The following CCDC85A variants were observed in gnomAD, a reference collection of about 807,000 sequenced individuals.
CCDC85A encodes the protein coiled-coil domain-containing protein 85A.
A neutral mutation model predicts 50.2 loss-of-function variants in CCDC85A; 38 were observed. The observed-to-expected ratio is 0.76, with a 90% confidence interval of 0.58 to 0.99. The LOEUF (loss-of-function observed/expected upper bound fraction) is 0.99, where lower values mean the gene tolerates loss of function less well. Among genes scored for constraint, CCDC85A ranks in the 50% least tolerant of loss-of-function variants. The pLI is 0.00. For synonymous variants in CCDC85A, 366 were observed against 301.4 expected (o/e 1.21, Z -2.22); for missense variants, 820 against 742.0 (o/e 1.11, Z -1.22).
intron 2 of CCDC85A, among the ~76,000 whole-genome samples, chr2:56,328,068 T>A (rs1573267716): frequency 6.6e-6 from 1 of 152,262 alleles, no homozygotes; most frequent in East Asian, 1.9e-4. Flanking sequence ...GAATTAGAGC[T>A]GTCATCTGAA....
chr2:56,184,451 G>T lies in CCDC85A; in HGVS notation c.-174G>T, dbSNP rs1380231393. 1.5e-6 allele frequency: 1 copy of T among 677,524 alleles called. No individual in the cohort carries two copies. Among genetic ancestry groups the T allele is most frequent in the East Asian group, 3.9e-5 (1 of 25,616 alleles). The allele number at this position is 677,524 out of a possible 1,614,324, so 42.0% of individuals were successfully genotyped here. A position where few individuals can be genotyped will look rare whatever the true frequency, so the allele number is the denominator to read the frequency against. ...GCGGGCGCGCGCGCGGGGATGGCGAGGTAGGATGGCCACCCAGCGCGACCC... is the reference window on the plus strand; with the variant it reads ...GCGGGCGCGCGCGCGGGGATGGCGATGTAGGATGGCCACCCAGCGCGACCC... On this transcript the variant is annotated 5_prime_UTR_variant, in exon 1 of 6. In the 5' UTR this introduces an upstream ATG that the reference lacks. Coordinates refer to ENST00000407595, the MANE Select transcript of CCDC85A (RefSeq NM_001080433.2).
At chr2:56,334,975 G>A (rs17047813) in intron 2 of CCDC85A, among the ~76,000 whole-genome samples, 30,673 of 151,916 alleles carry the variant, frequency 0.2, 4,424 homozygotes, top group African/African-American at 0.41. Context: ...AGTGGACTAG[G>A]GCAAAATCTG....
At chr2:56,275,727 G>A (rs1160355348) in intron 2 of CCDC85A, among the ~76,000 whole-genome samples, 1 of 152,140 alleles carries the variant, frequency 6.6e-6, no homozygotes, top group East Asian at 1.9e-4. Flanking sequence ...ATACATCCCT[G>A]TATACTCTTG....
intron 2 of CCDC85A, among the ~76,000 whole-genome samples, chr2:56,333,309 A>T (rs575867755): frequency 6.6e-6 from 1 of 152,250 alleles, no homozygotes; most frequent in South Asian, 2.1e-4. Context: ...TTAGCCAAAC[A>T]TTTGACTGGG....
intron 2 of CCDC85A, among the ~76,000 whole-genome samples, chr2:56,266,922 G>C (rs1295288377): frequency 6.6e-6 from 1 of 152,146 alleles, no homozygotes; most frequent in African/African-American, 2.4e-5. Context: ...GGTGTGGTTT[G>C]TTTTGGAGAA....
chr2:56,298,602 T>C (rs952001161), intron 2 of CCDC85A, among the ~76,000 whole-genome samples: 4 of 152,168 alleles, frequency 2.6e-5, no homozygotes, highest in Non-Finnish European at 5.9e-5. Flanking sequence ...AGGGAATCTT[T>C]TAAGCTTACT....
intron 2 of CCDC85A, among the ~76,000 whole-genome samples, chr2:56,322,708 A>G (rs970228923): frequency 3.9e-5 from 6 of 152,322 alleles, no homozygotes; most frequent in African/African-American, 4.8e-5. Flanking sequence ...ACTGTAAACT[A>G]GTTCAACCAT....
intron 2 of CCDC85A, among the ~76,000 whole-genome samples, chr2:56,306,586 G>T (rs529206009): frequency 6.6e-6 from 1 of 152,186 alleles, no homozygotes; most frequent in African/African-American, 2.4e-5. Context: ...ATGTATGGTT[G>T]TATAAGCAGT....
chr2:56,284,483 C>T (rs1671341840), intron 2 of CCDC85A, among the ~76,000 whole-genome samples: 1 of 152,168 alleles, frequency 6.6e-6, no homozygotes, highest in African/African-American at 2.4e-5. Flanking sequence ...AGTGATTTTC[C>T]TGCCTCAGCC....
chr2:56,265,629 G>A (rs547670793), intron 2 of CCDC85A, among the ~76,000 whole-genome samples: 5 of 152,120 alleles, frequency 3.3e-5, no homozygotes, highest in African/African-American at 4.8e-5. Context: ...GGCTATTATC[G>A]AAAAGATGAA....
At chr2:56,203,165 G>A (rs553893264) in intron 2 of CCDC85A, among the ~76,000 whole-genome samples, 8 of 152,148 alleles carry the variant, frequency 5.3e-5, no homozygotes, top group Non-Finnish European at 1.2e-4. Context: ...GGGAGAAAGT[G>A]GCTGAATTTA....
chr2:56,313,207 C>G (rs111705348), intron 2 of CCDC85A, among the ~76,000 whole-genome samples: 1 of 152,038 alleles, frequency 6.6e-6, no homozygotes, highest in African/African-American at 2.4e-5. Context: ...ACTCTGTCTT[C>G]TATTTTTATC....
chr2:56,279,271 A>G (rs1671098517), intron 2 of CCDC85A, among the ~76,000 whole-genome samples: 1 of 152,178 alleles, frequency 6.6e-6, no homozygotes, highest in Admixed American at 6.5e-5. Flanking sequence ...ATGGAGTTAT[A>G]ATTCACATAT....
chr2:56,273,852 A>T (rs1202118003), intron 2 of CCDC85A, among the ~76,000 whole-genome samples: 3 of 152,148 alleles, frequency 2.0e-5, no homozygotes, highest in South Asian at 2.1e-4. Flanking sequence ...TTTGTTCATT[A>T]TGAAGAAAAA....
At chr2:56,384,198 T>G (rs1676721107) in intron 5 of CCDC85A, 68 bp from the exon 6 acceptor site, 2 of 1,424,956 alleles carry the variant, frequency 1.4e-6, no homozygotes, top group East Asian at 2.3e-5. Flanking sequence ...TAATTTACCC[T>G]TAAGAAATGC....
intron 2 of CCDC85A, among the ~76,000 whole-genome samples, chr2:56,322,621 G>A (rs59446926): frequency 0.06 from 9,179 of 152,086 alleles, 929 homozygotes; most frequent in African/African-American, 0.21. Flanking sequence ...TTAGAATGGC[G>A]ATCATTAAAA....
chr2:56,308,527 AAAC>A (rs370851408), intron 2 of CCDC85A, among the ~76,000 whole-genome samples: 70 of 152,196 alleles, frequency 4.6e-4, no homozygotes, highest in African/African-American at 1.4e-3. Flanking sequence ...CAGACATGGA[AAAC>A]AACAACAACA....
chr2:56,262,697 G>A lies in CCDC85A; in HGVS notation c.1240+69257G>A, dbSNP rs573621724. The stretch of plus-strand genomic sequence containing the variant: ...TACAGCAGGATCAGATCTCATGCTC[G>A]AAGTCAGTTTAAGGCAGAGTATTGC... On this transcript the variant is annotated intron_variant, in intron 2 of 5. Transcript: ENST00000407595. Among the ~76,000 whole-genome samples, 7 of 152,290 alleles carry A rather than the reference G, an allele frequency of 4.6e-5. No individual in the cohort carries two copies. In the South Asian group the frequency reaches 1.0e-3, roughly 23 times the overall value.
At chr2:56,266,127 G>A (rs899533434) in intron 2 of CCDC85A, among the ~76,000 whole-genome samples, 6 of 152,190 alleles carry the variant, frequency 3.9e-5, no homozygotes, top group African/African-American at 1.4e-4. Flanking sequence ...GGTTACCAAA[G>A]GCTAGGGGAG....
Sources: allele counts gnomAD v4.1 joint callset (sites outside exome capture counted in the v4.1 genomes callset), GRCh38; gene constraint gnomAD v4.1.1; transcripts MANE v1.5; gene names NCBI Gene and HGNC (gene_info 2026-07-23, HGNC 2026-07-21).